The following LMTK2 variants were observed in gnomAD, a reference collection of about 807,000 sequenced individuals.
The protein encoded by LMTK2 is lemur tail kinase 2.
Under a neutral mutation model 127.5 loss-of-function variants are expected in LMTK2, and 37 were observed. That is an observed-to-expected ratio of 0.29 (90% CI 0.22 to 0.38). The LOEUF (loss-of-function observed/expected upper bound fraction) is 0.38. Ranked by LOEUF, LMTK2 falls within the 10% of genes least tolerant of loss-of-function variation. LMTK2 has a pLI of 1.00. For missense variants in LMTK2, 1,694 were observed against 1,920.3 expected (o/e 0.88, Z 2.20); for synonymous variants, 819 against 810.1 (o/e 1.01, Z -0.19).
Position 98,171,739 on chromosome 7 carries a change from C to T in LMTK2, c.791+65C>T, listed in dbSNP as rs41278839. 25,086 of 1,470,542 alleles carry T rather than the reference C, an allele frequency of 0.017. 269 individuals are homozygous for T. The highest frequency in any genetic ancestry group is 0.02 in the Non-Finnish European group (22,511 of 1,115,316). The allele number at this position is 1,470,542 out of a possible 1,614,324, so 91.1% of individuals were successfully genotyped here. ...CGGCGGGACAGTCCAGAGAGGCTGC[C>T]GAGTTTGTGAAACTTAAGGAGGACA... On this transcript the variant is annotated intron_variant, in intron 7 of 13. Coordinates refer to ENST00000297293, the MANE Select transcript of LMTK2 (RefSeq NM_014916.4). The surrounding 1 kb of genome is among the most constrained non-coding windows in gnomAD (Gnocchi z 5.1).
At chr7:98,149,005 A>G (rs773217895) in intron 3 of LMTK2, among the ~76,000 whole-genome samples, 1 of 152,210 alleles carries the variant, frequency 6.6e-6, no homozygotes, top group Non-Finnish European at 1.5e-5. Context: ...CAGCATGTGC[A>G]CTGTTGGCCT....
Position 98,171,720 on chromosome 7 carries a change from G to C in LMTK2, c.791+46G>C. On this transcript the variant is annotated intron_variant, in intron 7 of 13. Transcript: ENST00000297293. This position sits in a 1 kb window ranked among gnomAD's most constrained non-coding sequence, Gnocchi z 5.1. ...TGCACGCCCCACACAGCACCGGCGG[G>C]ACAGTCCAGAGAGGCTGCCGAGTTT... 6.6e-7 allele frequency: 1 copy of C among 1,514,218 alleles called. No individual in the cohort carries two copies. Among genetic ancestry groups the C allele is most frequent in the Non-Finnish European group, 8.8e-7 (1 of 1,137,714 alleles). 93.8% of individuals were successfully genotyped at this position (1,514,218 alleles called of 1,614,324 possible).
intron 6 of LMTK2, among the ~76,000 whole-genome samples, chr7:98,164,225 A>G (rs1356918223): frequency 6.6e-6 from 1 of 152,088 alleles, no homozygotes; most frequent in Non-Finnish European, 1.5e-5. Flanking sequence ...GGTGTTTTAT[A>G]GAACTTGTTG....
chr7:98,159,211 ATAT>A lies in LMTK2; in HGVS notation c.570-123_570-121del, dbSNP rs780958354. ...TCTTTTTAGCCTGTCATTTATGTAAATATTATATAAATTATTATGAAAAAATTT... is the reference window on the plus strand; with the variant it reads ...TCTTTTTAGCCTGTCATTTATGTAAATATATAAATTATTATGAAAAAATTT... On this transcript the variant is annotated intron_variant, in intron 5 of 13. Coordinates refer to ENST00000297293, the MANE Select transcript of LMTK2 (RefSeq NM_014916.4). 1.5e-4 allele frequency: 83 copies of A among 536,156 alleles called. No individual in the cohort carries two copies. In the Middle Eastern group the frequency reaches 1.9e-3, roughly 13 times the overall value. The allele number at this position is 536,156 out of a possible 1,614,324, so 33.2% of individuals were successfully genotyped here.
chr7:98,177,256 C>A (rs189014839), intron 7 of LMTK2, among the ~76,000 whole-genome samples: 1 of 152,112 alleles, frequency 6.6e-6, no homozygotes, highest in Non-Finnish European at 1.5e-5. Flanking sequence ...ATTATGTACC[C>A]AGTAGTGAAG....
In LMTK2 at chr7:98,204,167, C is replaced by G. The variant is rs755984843; in HGVS notation, c.4464C>G (p.Asp1488Glu). 1 of 1,607,890 alleles carries G rather than the reference C, an allele frequency of 6.2e-7. No individual in the cohort carries two copies. The highest frequency in any genetic ancestry group is 8.5e-7 in the Non-Finnish European group (1 of 1,179,970). ...IASFSLTHLTDSDIEQGGSSE... is the reference protein window; with the variant it reads ...IASFSLTHLTESDIEQGGSSE... Reference sequence around the variant, plus strand: ...GCTTTTCCCTCACACACCTGACCGACTCGGACATCGAGCAGGGCGGTGAGA... The same window carrying G: ...GCTTTTCCCTCACACACCTGACCGAGTCGGACATCGAGCAGGGCGGTGAGA... The change falls in exon 13 of 14, where the codon GAC becomes GAG. Residue 1488 changes from aspartate to glutamate, a missense_variant. Physicochemically the swap from Asp to Glu is conservative, Grantham distance 45 (BLOSUM62 2). Transcript: ENST00000297293.
rs1208819129 is a variant in LMTK2 at position 98,193,354 on chromosome 7, C to G, written c.2889C>G (p.Gly963=). Residue 963 remains glycine (G), a synonymous_variant, in exon 11 of 14, where the codon GGC becomes GGG. Coordinates refer to ENST00000297293, the MANE Select transcript of LMTK2 (RefSeq NM_014916.4). The surrounding 1 kb of genome is among the most constrained non-coding windows in gnomAD (Gnocchi z 4.1). ...LNSKDAAKEA[G]LVSALSSDST... is the part of the protein sequence containing the mutation. Reference sequence around the variant, plus strand: ...CTAAAGACGCAGCAAAAGAAGCAGGCTTGGTGTCTGCCCTCTCCTCGGACT... The same window carrying G: ...CTAAAGACGCAGCAAAAGAAGCAGGGTTGGTGTCTGCCCTCTCCTCGGACT... The G allele has an allele frequency of 1.2e-6, 2 of 1,614,198 alleles. No individual in the cohort carries two copies. Among genetic ancestry groups the G allele is most frequent in the East Asian group, 2.2e-5 (1 of 44,894 alleles).
intron 1 of LMTK2, among the ~76,000 whole-genome samples, chr7:98,117,635 A>G (rs144822231): frequency 3.4e-4 from 52 of 152,214 alleles, no homozygotes; most frequent in African/African-American, 1.1e-3. Flanking sequence ...CTTTTCTTCA[A>G]GGAGCTCTGG....
At chr7:98,139,734 C>T (rs951960008) in intron 2 of LMTK2, among the ~76,000 whole-genome samples, 1 of 152,150 alleles carries the variant, frequency 6.6e-6, no homozygotes, top group Admixed American at 6.5e-5. Flanking sequence ...TCTTCTCACA[C>T]GCATATGGAA....
chr7:98,181,838 T>C (rs1378408713), intron 7 of LMTK2, among the ~76,000 whole-genome samples: 2 of 152,108 alleles, frequency 1.3e-5, no homozygotes, highest in Non-Finnish European at 2.9e-5. Flanking sequence ...TTTGTATTTT[T>C]AGTAGAGATT....
chr7:98,172,750 A>G (rs1468911988), intron 7 of LMTK2, among the ~76,000 whole-genome samples: 1 of 151,864 alleles, frequency 6.6e-6, no homozygotes, highest in Non-Finnish European at 1.5e-5. Flanking sequence ...GAAGTATTCT[A>G]TTTTTTATTT....
At chr7:98,204,397 G>C (rs1027277465) in intron 13 of LMTK2, among the ~76,000 whole-genome samples, 1 of 152,192 alleles carries the variant, frequency 6.6e-6, no homozygotes, top group Non-Finnish European at 1.5e-5. Flanking sequence ...TGAGGTGGGA[G>C]GATCAGTTGA....
intron 1 of LMTK2, among the ~76,000 whole-genome samples, chr7:98,115,894 T>C (rs892253542): frequency 3.3e-5 from 5 of 152,202 alleles, no homozygotes; most frequent in Admixed American, 1.3e-4. Context: ...GTTTTTTGTT[T>C]GTTTGTTTAA....
At chr7:98,135,581 C>G (rs951179122) in intron 1 of LMTK2, among the ~76,000 whole-genome samples, 1 of 152,226 alleles carries the variant, frequency 6.6e-6, no homozygotes, top group East Asian at 1.9e-4. Flanking sequence ...CTTGGCCTCC[C>G]AAAGTGCTGG....
Position 98,140,052 on chromosome 7 carries a change from G to A in LMTK2, c.232-1345G>A, listed in dbSNP as rs914096163. ...GGAAGAATTGCGATAGCTTCCCACC[G>A]AACGTCACGTAAAAGGTTTCCACAA... is the stretch of plus-strand genomic sequence containing the variant. On this transcript the variant is annotated intron_variant, in intron 2 of 13. Transcript: ENST00000297293. Among the ~76,000 whole-genome samples, 45 of 151,808 alleles carry A rather than the reference G, an allele frequency of 3.0e-4. 5 individuals are homozygous for A. The highest frequency in any genetic ancestry group is 4.0e-4 in the Non-Finnish European group (27 of 67,998).
chr7:98,183,743 C>T (rs1380599780), intron 7 of LMTK2, among the ~76,000 whole-genome samples: 2 of 152,244 alleles, frequency 1.3e-5, no homozygotes, highest in South Asian at 2.1e-4. Context: ...CCGTGTTGGC[C>T]AGGCTGGTCT....
At chr7:98,178,248 C>T (rs914675410) in intron 7 of LMTK2, among the ~76,000 whole-genome samples, 2 of 152,202 alleles carry the variant, frequency 1.3e-5, no homozygotes, top group African/African-American at 4.8e-5. Flanking sequence ...CTCGGGAAAG[C>T]ATAAGTAGTT....
At chr7:98,131,152 C>G (rs1207616604) in intron 1 of LMTK2, among the ~76,000 whole-genome samples, 2 of 152,090 alleles carry the variant, frequency 1.3e-5, no homozygotes, top group Admixed American at 6.6e-5. Context: ...GTCACTATCT[C>G]CAAAAGATAA....
intron 2 of LMTK2, among the ~76,000 whole-genome samples, 160 bp from the exon 3 acceptor site, chr7:98,141,237 G>T (rs1025178196): frequency 6.7e-6 from 1 of 149,738 alleles, no homozygotes; most frequent in Middle Eastern, 3.4e-3. Context: ...GTATTCTGCT[G>T]TTTGGAGTCA....
Sources: gnomAD v4.1 joint callset for allele counts (sites outside exome capture counted in the v4.1 genomes callset) on GRCh38, gnomAD v4.1.1 for gene constraint, Gnocchi (gnomAD v3.1) non-coding constraint, MANE v1.5 for transcripts, NCBI Gene and HGNC (gene_info 2026-07-23, HGNC 2026-07-21) for gene names.